Variants in CSE1L observed in about 807,000 individuals in gnomAD.
The protein encoded by CSE1L is exportin-2.
CSE1L carries 24 observed loss-of-function variants against 120.4 expected under a neutral mutation model. The ratio of observed to expected loss-of-function variants is 0.20; its 90% CI spans 0.14 to 0.28. CSE1L has a LOEUF of 0.28. Among genes scored for constraint, CSE1L ranks in the 10% least tolerant of loss-of-function variants. CSE1L has a pLI of 1.00. For synonymous variants in CSE1L, 402 were observed against 398.3 expected, an observed-to-expected ratio of 1.01 and a Z score of -0.11; for missense variants, 830 against 1,145.2, an observed-to-expected ratio of 0.72 and a Z score of 3.97.
intron 2 of CSE1L, among the ~76,000 whole-genome samples, chr20:49,062,875 C>T (rs2091862722): frequency 1.3e-5 from 2 of 151,592 alleles, no homozygotes; most frequent in African/African-American, 4.8e-5. Flanking sequence ...GAAATAAGAC[C>T]TGGGTATATG....
At chr20:49,074,573 A>G (rs2091956628) in intron 10 of CSE1L, among the ~76,000 whole-genome samples, 1 of 152,172 alleles carries the variant, frequency 6.6e-6, no homozygotes, top group Non-Finnish European at 1.5e-5. Context: ...AAGTGAGCCT[A>G]TCTCATAGTT....
chr20:49,081,119 G>T (rs973466821), intron 14 of CSE1L, among the ~76,000 whole-genome samples: 4 of 151,738 alleles, frequency 2.6e-5, no homozygotes, highest in African/African-American at 9.7e-5. Context: ...GAGTAGCTGG[G>T]ATTACACGTG....
chr20:49,073,866 C>T (rs552535183), intron 10 of CSE1L, among the ~76,000 whole-genome samples: 1 of 152,020 alleles, frequency 6.6e-6, no homozygotes, highest in South Asian at 2.1e-4. Context: ...AAATTAAGGA[C>T]AATATAGCGT....
At chr20:49,058,349 G>A in intron 1 of CSE1L, 104 bp from the exon 2 acceptor site, 4 of 704,536 alleles carry the variant, frequency 5.7e-6, no homozygotes, top group Non-Finnish European at 9.0e-6. Flanking sequence ...ACAACAGATG[G>A]ATGACTTTCA....
At chr20:49,096,238 ACTTGACTGGCTGCT>A (rs1189139061) in intron 24 of CSE1L, 97 bp from the exon 25 acceptor site, 2 of 842,924 alleles carry the variant, frequency 2.4e-6, no homozygotes, top group Admixed American at 1.9e-5. Context: ...GTGATTAATG[ACTTGACTGGCTGCT>A]CTTCCCAGAG....
At chr20:49,059,622 G>A (rs923852720) in intron 2 of CSE1L, among the ~76,000 whole-genome samples, 5 of 152,176 alleles carry the variant, frequency 3.3e-5, no homozygotes, top group Non-Finnish European at 7.3e-5. Flanking sequence ...GCTCACGCTT[G>A]TAATCCCAGC....
intron 14 of CSE1L, among the ~76,000 whole-genome samples, chr20:49,082,668 G>A (rs975894025): frequency 6.6e-6 from 1 of 151,964 alleles, no homozygotes; most frequent in Non-Finnish European, 1.5e-5. Context: ...ACAGGCTACC[G>A]CCACCATGCC....
At chr20:49,091,437 A>AT (rs1568788387) in intron 21 of CSE1L, among the ~76,000 whole-genome samples, 1 of 151,892 alleles carries the variant, frequency 6.6e-6, no homozygotes, top group African/African-American at 2.4e-5. Flanking sequence ...AAAAAAAAAA[A>AT]GAAAATATTG....
At chr20:49,054,526 A>C (rs751558902) in intron 1 of CSE1L, among the ~76,000 whole-genome samples, 5 of 152,128 alleles carry the variant, frequency 3.3e-5, no homozygotes, top group Admixed American at 6.6e-5. Flanking sequence ...TTTAAATCTG[A>C]TCTTTATTTA....
At chr20:49,047,865 T>G (rs1328110309) in intron 1 of CSE1L, among the ~76,000 whole-genome samples, 1 of 152,156 alleles carries the variant, frequency 6.6e-6, no homozygotes, top group Admixed American at 6.6e-5. Flanking sequence ...TTTTAGTTAC[T>G]TCATAGCATT....
chr20:49,096,070 G>A (rs1600556327), intron 24 of CSE1L: 3 of 554,182 alleles, frequency 5.4e-6, no homozygotes, highest in South Asian at 1.9e-5. Context: ...TACGTTTCAC[G>A]CGTAAGTACC....
At chr20:49,066,109 A>G in intron 3 of CSE1L, 83 bp from the exon 4 acceptor site, 1 of 1,169,850 alleles carries the variant, frequency 8.5e-7, no homozygotes, top group Non-Finnish European at 1.2e-6. Context: ...TAGTAAATAA[A>G]AAAACAGTTA....
intron 23 of CSE1L, 146 bp from the exon 24 acceptor site, chr20:49,094,586 C>A: frequency 1.5e-6 from 1 of 658,224 alleles, no homozygotes; most frequent in Non-Finnish European, 2.6e-6. Flanking sequence ...ACTGAATAAG[C>A]CAAGAAAAGA....
intron 13 of CSE1L, among the ~76,000 whole-genome samples, chr20:49,077,434 G>A (rs2091978030): frequency 6.6e-6 from 1 of 152,118 alleles, no homozygotes; most frequent in Non-Finnish European, 1.5e-5. Flanking sequence ...TGCTGGGATT[G>A]CAGGCGTGAG....
intron 3 of CSE1L, 69 bp downstream of exon 3, chr20:49,063,413 C>A: frequency 9.4e-7 from 1 of 1,068,394 alleles, no homozygotes; most frequent in Non-Finnish European, 1.3e-6. Flanking sequence ...CAGTGTTCTT[C>A]AAAGATAAGG....
chr20:49,088,206 CTG>C lies in CSE1L; in HGVS notation c.1821+103_1821+104del. ...CATTACGTGAAGCTTTAGAGAAGGT[CTG>C]TGAATTCTTCCTGACCAGCCACTAA... On this transcript the variant is annotated intron_variant, in intron 17 of 24. Transcript: ENST00000262982. The C allele has an allele frequency of 3.8e-6, 3 of 784,798 alleles. No individual in the cohort carries two copies. In the South Asian group the frequency reaches 4.8e-5, roughly 12 times the overall value. 48.6% of individuals were successfully genotyped at this position (784,798 alleles called of 1,614,324 possible).
intron 17 of CSE1L, 151 bp from the exon 18 acceptor site, chr20:49,089,096 A>G: frequency 1.5e-6 from 1 of 659,914 alleles, no homozygotes; most frequent in South Asian, 3.2e-5. Context: ...CCATTTAAAA[A>G]AAAATTCAAA....
chr20:49,070,762 A>G (rs896834782), intron 8 of CSE1L, among the ~76,000 whole-genome samples: 1 of 152,092 alleles, frequency 6.6e-6, no homozygotes, highest in Non-Finnish European at 1.5e-5. Context: ...GGAGACCCCC[A>G]TCACTACAAA....
chr20:49,082,077 G>A (rs933793310), intron 14 of CSE1L, among the ~76,000 whole-genome samples: 2 of 151,930 alleles, frequency 1.3e-5, no homozygotes, highest in African/African-American at 4.8e-5. Context: ...AAATTATTTA[G>A]TATTATGTAG....
Sources: gnomAD v4.1 joint callset for allele counts (sites outside exome capture counted in the v4.1 genomes callset) on GRCh38, gnomAD v4.1.1 for gene constraint, MANE v1.5 for transcripts, NCBI Gene and HGNC (gene_info 2026-07-23, HGNC 2026-07-21) for gene names.